DSCAM: variants seen among roughly 807,000 people sequenced by gnomAD.
The protein encoded by DSCAM is DS cell adhesion molecule, also known as cell adhesion molecule DSCAM.
A neutral mutation model predicts 217.7 loss-of-function variants in DSCAM; 47 were observed. That is an observed-to-expected ratio of 0.22 (90% CI 0.17 to 0.28). DSCAM has a LOEUF of 0.28. Among genes scored for constraint, DSCAM ranks in the 10% least tolerant of loss-of-function variants. The probability of loss-of-function intolerance (pLI) is 1.00; values close to 1 mark genes in which losing one functional copy is unlikely to be tolerated. For missense variants in DSCAM, 2,080 were observed against 2,618.3 expected (o/e 0.79, Z 4.49); for synonymous variants, 1,056 against 1,015.3 (o/e 1.04, Z -0.76).
At chr21:40,189,401 C>A (rs1169156255) in intron 11 of DSCAM, among the ~76,000 whole-genome samples, 163 bp from the exon 12 acceptor site, 2 of 152,100 alleles carry the variant, frequency 1.3e-5, no homozygotes, top group South Asian at 2.1e-4. Flanking sequence ...GGAAAGGCAC[C>A]AGAAAAATGA....
intron 4 of DSCAM, among the ~76,000 whole-genome samples, chr21:40,360,059 G>C (rs1382265847): frequency 6.7e-6 from 1 of 150,088 alleles, no homozygotes; most frequent in Admixed American, 6.6e-5. Context: ...AATATTACGT[G>C]ATGCTGAGGT....
intron 11 of DSCAM, among the ~76,000 whole-genome samples, chr21:40,197,159 C>T (rs2091020331): frequency 1.3e-5 from 2 of 152,008 alleles, no homozygotes; most frequent in Non-Finnish European, 1.5e-5. Context: ...TGCTCTGTGG[C>T]CCAGGCTGGA....
chr21:40,596,278 T>C (rs2077020771), intron 3 of DSCAM, among the ~76,000 whole-genome samples: 1 of 152,212 alleles, frequency 6.6e-6, no homozygotes, highest in Non-Finnish European at 1.5e-5. Context: ...TCTCCAGCTT[T>C]CTGATACTTG....
At position 40,347,630 on chromosome 21, in the gene DSCAM, G is replaced by T. The variant is rs1438297532; in HGVS notation, c.1210+40C>A. 4 of 1,610,272 alleles carry T rather than the reference G, an allele frequency of 2.5e-6. No homozygotes were observed. In the South Asian group the frequency reaches 4.4e-5, roughly 18 times the overall value. On this transcript the variant is annotated intron_variant, in intron 6 of 32. Transcript: ENST00000400454. ...TTCTTTTCTGAGTGCTCTGGGTTTG[G>T]GTTCTTTTTCAGCCATACCCTGAAA...
chr21:40,771,043 C>T (rs2091439790), intron 1 of DSCAM, among the ~76,000 whole-genome samples: 1 of 152,176 alleles, frequency 6.6e-6, no homozygotes, highest in Non-Finnish European at 1.5e-5. Flanking sequence ...CATGGCATAG[C>T]ACCCCCAGGC....
At chr21:40,764,306 AAAG>A (rs943587936) in intron 1 of DSCAM, among the ~76,000 whole-genome samples, 9 of 148,960 alleles carry the variant, frequency 6.0e-5, no homozygotes, top group African/African-American at 2.0e-4. Flanking sequence ...ACACTTCTCA[AAAG>A]AAGATATTTA....
At chr21:40,753,363 T>C (rs557421453) in intron 1 of DSCAM, among the ~76,000 whole-genome samples, 1 of 152,136 alleles carries the variant, frequency 6.6e-6, no homozygotes, top group Admixed American at 6.5e-5. Context: ...ATAAAGACAA[T>C]GAAACTGAAA....
chr21:40,729,850 T>C (rs538319659), intron 1 of DSCAM, among the ~76,000 whole-genome samples: 1 of 152,318 alleles, frequency 6.6e-6, no homozygotes, highest in Non-Finnish European at 1.5e-5. Flanking sequence ...GTGGTATTAA[T>C]GCTAATTTAC....
At chr21:40,259,267 T>C (rs2073414709) in intron 11 of DSCAM, among the ~76,000 whole-genome samples, 1 of 102,542 alleles carries the variant, frequency 9.8e-6, no homozygotes, top group East Asian at 2.5e-4. Flanking sequence ...ATCTCCTCTT[T>C]AATGAACTCT....
intron 3 of DSCAM, among the ~76,000 whole-genome samples, chr21:40,397,144 G>A (rs1261337232): frequency 3.3e-5 from 5 of 152,116 alleles, no homozygotes; most frequent in African/African-American, 1.2e-4. Flanking sequence ...CTCCTTGGCT[G>A]CAGCACCAGA....
chr21:40,838,355 C>G (rs1043597349), intron 1 of DSCAM, among the ~76,000 whole-genome samples: 1 of 152,166 alleles, frequency 6.6e-6, no homozygotes, highest in Non-Finnish European at 1.5e-5. Flanking sequence ...CATGGGCTAC[C>G]TCCCAACAGC....
At chr21:40,470,434 C>T (rs143500566) in intron 3 of DSCAM, among the ~76,000 whole-genome samples, 21 of 152,352 alleles carry the variant, frequency 1.4e-4, no homozygotes, top group Non-Finnish European at 2.5e-4. Flanking sequence ...GCAAGGTTTG[C>T]TTCTGCGAGG....
At chr21:40,644,221 G>C (rs1470715730) in intron 3 of DSCAM, among the ~76,000 whole-genome samples, 1 of 152,202 alleles carries the variant, frequency 6.6e-6, no homozygotes, top group South Asian at 2.1e-4. Context: ...GGATGAACAC[G>C]CTCTTTCAAA....
At chr21:40,626,095 TTAATA>T (rs2089597013) in intron 3 of DSCAM, among the ~76,000 whole-genome samples, 1 of 151,944 alleles carries the variant, frequency 6.6e-6, no homozygotes, top group East Asian at 1.9e-4. Flanking sequence ...CAAAATAAAA[TTAATA>T]TAAGACCGAT....
chr21:40,781,992 C>A (rs145519182), intron 1 of DSCAM, among the ~76,000 whole-genome samples: 213 of 106,342 alleles, frequency 2.0e-3, no homozygotes, highest in Middle Eastern at 7.2e-3. Flanking sequence ...ACTAAAAATA[C>A]AAAAAAAAAA....
intron 8 of DSCAM, among the ~76,000 whole-genome samples, chr21:40,328,624 A>G (rs1474513863): frequency 6.6e-6 from 1 of 152,192 alleles, no homozygotes; most frequent in Non-Finnish European, 1.5e-5. Context: ...ACGCAAAAAT[A>G]GAACAATGGG....
At chr21:40,138,180 G>C (rs925098652) in intron 18 of DSCAM, among the ~76,000 whole-genome samples, 7 of 152,106 alleles carry the variant, frequency 4.6e-5, no homozygotes, top group South Asian at 4.1e-4. Flanking sequence ...GAAAGTATTC[G>C]GGCTATTGCT....
intron 3 of DSCAM, among the ~76,000 whole-genome samples, chr21:40,464,494 A>C (rs545745960): frequency 6.6e-6 from 1 of 152,184 alleles, no homozygotes. Flanking sequence ...CCCCATACAC[A>C]CAAAGGCATT....
chr21:40,150,818 G>A (rs990442594), intron 16 of DSCAM, among the ~76,000 whole-genome samples: 1 of 152,190 alleles, frequency 6.6e-6, no homozygotes, highest in Non-Finnish European at 1.5e-5. Flanking sequence ...TCCTTATAGG[G>A]AAATGATCTT....
Sources: allele counts gnomAD v4.1 joint callset (sites outside exome capture counted in the v4.1 genomes callset), GRCh38; gene constraint gnomAD v4.1.1; transcripts MANE v1.5; gene names NCBI Gene and HGNC (gene_info 2026-07-23, HGNC 2026-07-21).